Variants in ARHGAP26 observed in about 807,000 individuals in gnomAD.
ARHGAP26 encodes the protein Rho GTPase activating protein 26, also known as rho GTPase-activating protein 26.
A neutral mutation model predicts 104.8 loss-of-function variants in ARHGAP26; 38 were observed. The ratio of observed to expected loss-of-function variants is 0.36; its 90% CI spans 0.28 to 0.48. ARHGAP26 has a LOEUF of 0.48. Among genes scored for constraint, ARHGAP26 ranks in the 20% least tolerant of loss-of-function variants. ARHGAP26 has a pLI of 0.99. For missense variants in ARHGAP26, 704 were observed against 947.9 expected (o/e 0.74, Z 3.38); for synonymous variants, 341 against 340.0 (o/e 1.00, Z -0.03).
intron 6 of ARHGAP26, among the ~76,000 whole-genome samples, chr5:142,898,586 A>G (rs1759827091): frequency 6.6e-6 from 1 of 152,048 alleles, no homozygotes; most frequent in Non-Finnish European, 1.5e-5. Context: ...TCTGGCCTGG[A>G]CCAGAATGCA....
intron 17 of ARHGAP26, among the ~76,000 whole-genome samples, chr5:143,064,400 T>C (rs1219480287): frequency 7.7e-6 from 1 of 130,644 alleles, no homozygotes; most frequent in Non-Finnish European, 1.6e-5. Context: ...TGACTGGCTC[T>C]TTTTTTTTTT....
chr5:143,087,647 T>C (rs1237853801), intron 17 of ARHGAP26, among the ~76,000 whole-genome samples: 1 of 124,856 alleles, frequency 8.0e-6, no homozygotes, highest in African/African-American at 3.3e-5. Flanking sequence ...TTTTTTTTTT[T>C]TTTTTTTTTT....
At chr5:143,008,365 A>G (rs1475927036) in intron 11 of ARHGAP26, among the ~76,000 whole-genome samples, 1 of 152,240 alleles carries the variant, frequency 6.6e-6, no homozygotes, top group African/African-American at 2.4e-5. Context: ...CAAAAGAGCA[A>G]GCTGTTTTGA....
At chr5:142,860,868 G>A (rs1753197386) in intron 1 of ARHGAP26, among the ~76,000 whole-genome samples, 1 of 152,138 alleles carries the variant, frequency 6.6e-6, no homozygotes, top group Non-Finnish European at 1.5e-5. Context: ...TGTTCTGAAG[G>A]GTTAGGTGGT....
intron 12 of ARHGAP26, among the ~76,000 whole-genome samples, chr5:143,030,334 C>T (rs1270959324): frequency 6.6e-5 from 10 of 152,206 alleles, no homozygotes. Flanking sequence ...AGAAGCCCTC[C>T]TCTCAGCCCC....
intron 17 of ARHGAP26, among the ~76,000 whole-genome samples, chr5:143,116,483 A>G (rs1422661115): frequency 1.3e-5 from 2 of 152,190 alleles, no homozygotes; most frequent in Non-Finnish European, 1.5e-5. Flanking sequence ...TTGTTGGAAT[A>G]CTTTAGGACC....
chr5:142,844,107 A>AGT (rs113118179), intron 1 of ARHGAP26, among the ~76,000 whole-genome samples: 1,672 of 144,524 alleles, frequency 0.012, 41 homozygotes, highest in African/African-American at 0.043. Flanking sequence ...GCTAGAGTGT[A>AGT]GTGGCACGAT....
chr5:142,784,495 G>A (rs1203636181), intron 1 of ARHGAP26, among the ~76,000 whole-genome samples: 1 of 152,198 alleles, frequency 6.6e-6, no homozygotes, highest in Non-Finnish European at 1.5e-5. Flanking sequence ...TTCCTAAGGA[G>A]TCTAATCCTT....
intron 9 of ARHGAP26, among the ~76,000 whole-genome samples, chr5:142,912,621 G>T (rs1184130005): frequency 3.3e-5 from 5 of 152,196 alleles, no homozygotes; most frequent in Non-Finnish European, 5.9e-5. Flanking sequence ...CTAGGATCCA[G>T]TTGGGCCCAG....
At chr5:143,200,089 C>T (rs150996658) in intron 20 of ARHGAP26, among the ~76,000 whole-genome samples, 5 of 152,264 alleles carry the variant, frequency 3.3e-5, no homozygotes, top group Non-Finnish European at 5.9e-5. Context: ...TGTATTCATT[C>T]GTACATCACT....
At chr5:143,081,066 C>T (rs147447746) in intron 17 of ARHGAP26, among the ~76,000 whole-genome samples, 19 of 151,714 alleles carry the variant, frequency 1.3e-4, no homozygotes, top group African/African-American at 3.6e-4. Flanking sequence ...GGGGGAGAAA[C>T]GGAGGTCTTG....
chr5:143,161,004 A>AT lies in ARHGAP26; in HGVS notation c.1988+13646dup, dbSNP rs11361288. 4.6e-3 allele frequency among the ~76,000 whole-genome samples: 427 copies of AT among 93,502 alleles called. 6 individuals are homozygous for AT. The highest frequency in any genetic ancestry group is 0.037 in the East Asian group (123 of 3,342). 61.3% of individuals were successfully genotyped at this position (93,502 alleles called of 152,430 possible). ...GACCCCAGCCTCTGGGCTATTTCAG[A>AT]TTTTTTTTTTTTTTTTTTTTTTTGA... is the stretch of plus-strand genomic sequence containing the variant. On this transcript the variant is annotated intron_variant, in intron 20 of 22. Coordinates refer to ENST00000645722, the MANE Select transcript of ARHGAP26 (RefSeq NM_001135608.3).
intron 19 of ARHGAP26, among the ~76,000 whole-genome samples, chr5:143,135,649 G>A (rs1797827812): frequency 6.6e-6 from 1 of 152,094 alleles, no homozygotes. Context: ...CTGTACCTTG[G>A]TATATTTAGC....
intron 11 of ARHGAP26, among the ~76,000 whole-genome samples, chr5:142,937,924 C>A (rs975186546): frequency 6.6e-6 from 1 of 151,794 alleles, no homozygotes; most frequent in African/African-American, 2.4e-5. Flanking sequence ...CAAGCAAGTC[C>A]TTCGTGGTGA....
Position 143,026,965 on chromosome 5 carries a change from A to T in ARHGAP26, c.1145-10231A>T, listed in dbSNP as rs184155760. ...AAGTTATTAGTGACAGGATTGGTTA[A>T]TGGATTGGATGTGGTGTGTGAATTG... On this transcript the variant is annotated intron_variant, in intron 12 of 22. Transcript: ENST00000645722. 3.9e-5 allele frequency among the ~76,000 whole-genome samples: 6 copies of T among 152,256 alleles called. No individual in the cohort carries two copies. The East Asian group carries it at 1.2e-3, about 29-fold the overall frequency.
intron 13 of ARHGAP26, among the ~76,000 whole-genome samples, chr5:143,040,347 A>T (rs188382465): frequency 2.8e-4 from 42 of 152,338 alleles, no homozygotes; most frequent in African/African-American, 9.1e-4. Flanking sequence ...TTCCATGTCT[A>T]CATAGGTCTT....
chr5:142,938,165 G>A (rs1765719501), intron 11 of ARHGAP26, among the ~76,000 whole-genome samples: 1 of 152,024 alleles, frequency 6.6e-6, no homozygotes, highest in Non-Finnish European at 1.5e-5. Flanking sequence ...TTAAAAGATA[G>A]TATCATTGGA....
Position 142,890,136 on chromosome 5 carries a change from T to TAAAAAAAA in ARHGAP26, c.487-4093_487-4086dup, listed in dbSNP as rs1162535877. On this transcript the variant is annotated intron_variant, in intron 5 of 22. Transcript: ENST00000645722. ...GGGTAACAAGAGCGAAACTCCGTCT[T>TAAAAAAAA]AAAAAAAAAAAAAAAATATATATAT... 2.8e-3 allele frequency among the ~76,000 whole-genome samples: 82 copies of TAAAAAAAA among 29,146 alleles called. 5 individuals carry two copies. The highest frequency in any genetic ancestry group is 6.1e-3 in the South Asian group (2 of 330). The allele number at this position is 29,146 out of a possible 152,430, so 19.1% of individuals were successfully genotyped here.
At chr5:143,213,423 CT>C (rs11331984) in intron 21 of ARHGAP26, among the ~76,000 whole-genome samples, 57,633 of 151,960 alleles carry the variant, frequency 0.38, 13,230 homozygotes, top group African/African-American at 0.65. Flanking sequence ...ATTCCCTCCC[CT>C]GGGGGTTGGA....
Sources: allele counts gnomAD v4.1 joint callset (sites outside exome capture counted in the v4.1 genomes callset), GRCh38; gene constraint gnomAD v4.1.1; transcripts MANE v1.5; gene names NCBI Gene and HGNC (gene_info 2026-07-23, HGNC 2026-07-21).